The following CDC14B variants were observed in gnomAD, a reference collection of about 807,000 sequenced individuals.
CDC14B encodes dual specificity protein phosphatase CDC14B.
CDC14B carries 22 observed loss-of-function variants against 64.2 expected under a neutral mutation model. That is an observed-to-expected ratio of 0.34 (90% confidence interval 0.24 to 0.49). The LOEUF is 0.49. Ranked by LOEUF, CDC14B falls within the 20% of genes least tolerant of loss-of-function variation. The probability of loss-of-function intolerance (pLI) is 0.99; values close to 1 mark genes in which losing one functional copy is unlikely to be tolerated. For missense variants in CDC14B, 498 were observed against 629.9 expected (o/e 0.79, Z 2.24); for synonymous variants, 191 against 215.8 (o/e 0.89, Z 1.01).
chr9:96,611,347 T>C (rs1466490477), intron 1 of CDC14B, among the ~76,000 whole-genome samples: 1 of 152,242 alleles, frequency 6.6e-6, no homozygotes, highest in Non-Finnish European at 1.5e-5. Flanking sequence ...AGTTAGTTCC[T>C]GCGAACCAGT....
intron 1 of CDC14B, among the ~76,000 whole-genome samples, chr9:96,589,795 A>T (rs1446524737): frequency 6.7e-6 from 1 of 149,890 alleles, no homozygotes; most frequent in African/African-American, 2.4e-5. Flanking sequence ...TGTCTCTACT[A>T]AAAAAATACA....
intron 1 of CDC14B, among the ~76,000 whole-genome samples, chr9:96,597,351 G>A (rs112697263): frequency 0.017 from 2,642 of 151,876 alleles, 78 homozygotes; most frequent in African/African-American, 0.061. Flanking sequence ...AAAATTAGCC[G>A]AGCATGGTGG....
At position 96,515,271 on chromosome 9, in the gene CDC14B, A is replaced by G. The variant is rs1301400423; in HGVS notation, c.1344-5482T>C. Among the ~76,000 whole-genome samples, 1 of 152,230 alleles carries G rather than the reference A, an allele frequency of 6.6e-6. No individual in the cohort carries two copies. The highest frequency in any genetic ancestry group is 1.5e-5 in the Non-Finnish European group (1 of 68,042). ...ACTCAAGATACAGAAAACTAGAGGG[A>G]AATTGTATAGCCAACTGACGAAAAT... On this transcript the variant is annotated intron_variant, in intron 12 of 13. Transcript: ENST00000375241. The surrounding 1 kb of genome is among the most constrained non-coding windows in gnomAD (Gnocchi z 4.3).
intron 1 of CDC14B, among the ~76,000 whole-genome samples, chr9:96,579,671 G>A (rs1260994508): frequency 6.6e-6 from 1 of 152,034 alleles, no homozygotes; most frequent in Non-Finnish European, 1.5e-5. Context: ...GGGAGAAGGC[G>A]GCAGTCTGCA....
intron 9 of CDC14B, among the ~76,000 whole-genome samples, chr9:96,527,634 G>A (rs949644443): frequency 2.7e-5 from 4 of 150,814 alleles, no homozygotes; most frequent in African/African-American, 9.7e-5. Context: ...TTATTTTTTT[G>A]AGATGGAGTC....
At chr9:96,579,177 T>C (rs1844988009) in intron 1 of CDC14B, among the ~76,000 whole-genome samples, 1 of 152,092 alleles carries the variant, frequency 6.6e-6, no homozygotes, top group Non-Finnish European at 1.5e-5. Flanking sequence ...CTGAATTGTG[T>C]CCCTAAAATT....
At chr9:96,549,044 A>C (rs1841402862) in intron 5 of CDC14B, among the ~76,000 whole-genome samples, 1 of 152,166 alleles carries the variant, frequency 6.6e-6, no homozygotes, top group South Asian at 2.1e-4. Flanking sequence ...TGATTGGACT[A>C]CTTTCTAATT....
intron 12 of CDC14B, among the ~76,000 whole-genome samples, chr9:96,510,215 C>T (rs572837984): frequency 8.1e-4 from 124 of 152,310 alleles, no homozygotes; most frequent in African/African-American, 2.8e-3. Flanking sequence ...ATTCACTCTT[C>T]AAAGCTGTAA....
chr9:96,549,985 C>A lies in CDC14B; in HGVS notation c.497+1811G>T, dbSNP rs149688369. ...ACAGTGCGAAATGTGTGAGCATGTT[C>A]CTATTTCAGGACCTTGTGCTGTAAA... On this transcript the variant is annotated intron_variant, in intron 5 of 13. Transcript: ENST00000375241. Among the ~76,000 whole-genome samples, 7 of 152,302 alleles carry A rather than the reference C, an allele frequency of 4.6e-5. No individual in the cohort carries two copies. The East Asian group carries it at 1.4e-3, about 29-fold the overall frequency.
downstream of CDC14B, chr9:96,496,347 C>A (rs765787267): frequency 7.8e-6 from 4 of 515,352 alleles, no homozygotes; most frequent in Non-Finnish European, 1.5e-5. Context: ...CAGCCTGGGA[C>A]AGCCAACCAT....
intron 12 of CDC14B, among the ~76,000 whole-genome samples, chr9:96,517,643 C>CAAAAAAAAAAAAAAA (rs1016405679): frequency 2.9e-5 from 1 of 34,640 alleles, no homozygotes; most frequent in African/African-American, 1.5e-4. Flanking sequence ...GACTCCGTCT[C>CAAAAAAAAAAAAAAA]AAAAAAAAAA....
At chr9:96,532,995 TTCTG>T (rs1486176904) in intron 9 of CDC14B, among the ~76,000 whole-genome samples, 1 of 152,196 alleles carries the variant, frequency 6.6e-6, no homozygotes, top group African/African-American at 2.4e-5. Flanking sequence ...CTTTTTTTTG[TTCTG>T]TCTATTGGCC....
At chr9:96,539,534 G>T (rs1187427538) in intron 6 of CDC14B, among the ~76,000 whole-genome samples, 4 of 152,106 alleles carry the variant, frequency 2.6e-5, no homozygotes, top group Admixed American at 6.6e-5. Context: ...CAACCCAATG[G>T]TCTCTACATC....
At chr9:96,601,792 T>C (rs1338452549) in intron 1 of CDC14B, among the ~76,000 whole-genome samples, 1 of 106,068 alleles carries the variant, frequency 9.4e-6, no homozygotes, top group East Asian at 2.5e-4. Context: ...AGACGCTGTC[T>C]CGAAAAAAAA....
intron 4 of CDC14B, among the ~76,000 whole-genome samples, 159 bp from the exon 5 acceptor site, chr9:96,552,031 C>CT (rs1164242935): frequency 2.0e-5 from 3 of 152,216 alleles, no homozygotes; most frequent in Admixed American, 2.0e-4. Flanking sequence ...CCATAGATTT[C>CT]TTTTTTGTTT....
chr9:96,618,912 G>A (rs1174956460), intron 1 of CDC14B, among the ~76,000 whole-genome samples: 1 of 152,250 alleles, frequency 6.6e-6, no homozygotes, highest in Non-Finnish European at 1.5e-5. Flanking sequence ...AGGAGCTGCA[G>A]GTTCGAGGCG....
At chr9:96,598,220 C>T (rs1846208838) in intron 1 of CDC14B, among the ~76,000 whole-genome samples, 1 of 152,204 alleles carries the variant, frequency 6.6e-6, no homozygotes, top group Non-Finnish European at 1.5e-5. Flanking sequence ...AGAAACTCAA[C>T]CTATACTCAT....
intron 1 of CDC14B, among the ~76,000 whole-genome samples, chr9:96,591,368 T>C (rs1845784624): frequency 6.6e-6 from 1 of 152,226 alleles, no homozygotes; most frequent in Admixed American, 6.5e-5. Flanking sequence ...AAATTCTTGG[T>C]ATCTTTGTCA....
At chr9:96,591,206 T>C (rs1306662496) in intron 1 of CDC14B, among the ~76,000 whole-genome samples, 1 of 152,230 alleles carries the variant, frequency 6.6e-6, no homozygotes, top group Admixed American at 6.5e-5. Flanking sequence ...CATTTTCCTA[T>C]GCTTTTGTCT....
Sources: allele counts gnomAD v4.1 joint callset (sites outside exome capture counted in the v4.1 genomes callset), GRCh38; gene constraint gnomAD v4.1.1; non-coding constraint Gnocchi (gnomAD v3.1); transcripts MANE v1.5; gene names NCBI Gene and HGNC (gene_info 2026-07-23, HGNC 2026-07-21).